Variants in SULT1B1 observed in about 807,000 individuals in gnomAD.
SULT1B1 encodes the protein sulfotransferase family 1B member 1.
A neutral mutation model predicts 34.6 loss-of-function variants in SULT1B1; 28 were observed. That is an observed-to-expected ratio of 0.81 (90% CI 0.60 to 1.11). The LOEUF (loss-of-function observed/expected upper bound fraction) is 1.11. SULT1B1 is among the 50% of genes least tolerant of loss of function. SULT1B1 has a pLI of 0.00. For synonymous variants in SULT1B1, 147 were observed against 110.2 expected (o/e 1.33, Z -2.09); for missense variants, 374 against 352.2 (o/e 1.06, Z -0.50).
At chr4:69,757,833 A>C (rs1043445780) in intron 1 of SULT1B1, among the ~76,000 whole-genome samples, 2 of 152,146 alleles carry the variant, frequency 1.3e-5, no homozygotes, top group Non-Finnish European at 2.9e-5. Context: ...TTGCATTTTC[A>C]TACTGTTTAT....
intron 1 of SULT1B1, among the ~76,000 whole-genome samples, chr4:69,755,506 T>C (rs1706707780): frequency 6.6e-6 from 1 of 152,174 alleles, no homozygotes; most frequent in Non-Finnish European, 1.5e-5. Flanking sequence ...TATCTCTCTT[T>C]GAATTAAAAA....
intron 4 of SULT1B1, among the ~76,000 whole-genome samples, chr4:69,747,809 C>A (rs1280516683): frequency 6.6e-6 from 1 of 152,174 alleles, no homozygotes; most frequent in East Asian, 1.9e-4. Context: ...CACTCCTTCT[C>A]TAGGAGCTGT....
intron 7 of SULT1B1, among the ~76,000 whole-genome samples, chr4:69,729,913 A>G (rs1718000856): frequency 6.6e-6 from 1 of 152,158 alleles, no homozygotes; most frequent in Non-Finnish European, 1.5e-5. Context: ...CACAATAAAC[A>G]GACTACTTAA....
intron 6 of SULT1B1, among the ~76,000 whole-genome samples, 154 bp downstream of exon 6, chr4:69,733,259 A>G (rs888222624): frequency 2.0e-5 from 3 of 152,184 alleles, no homozygotes; most frequent in Non-Finnish European, 4.4e-5. Flanking sequence ...TTAGAAACTC[A>G]TTAATTATAG....
chr4:69,726,995 A>G lies in SULT1B1; in HGVS notation c.*93T>C. On this transcript the variant is annotated 3_prime_UTR_variant, in exon 8 of 8. Coordinates refer to ENST00000310613, the MANE Select transcript of SULT1B1 (RefSeq NM_014465.4). ...AAAAGCATATTATTCTCCTTTATAA[A>G]TTCATTTGATTGCCCAAATCAATTC... is the stretch of plus-strand genomic sequence containing the variant. The G allele has an allele frequency of 6.2e-6, 5 of 811,060 alleles. No homozygotes were observed. The highest frequency in any genetic ancestry group is 9.3e-6 in the Non-Finnish European group (5 of 534,984). The allele number at this position is 811,060 out of a possible 1,614,324, so 50.2% of individuals were successfully genotyped here.
At chr4:69,736,562 T>C (rs1213727250) in intron 4 of SULT1B1, among the ~76,000 whole-genome samples, 1 of 151,758 alleles carries the variant, frequency 6.6e-6, no homozygotes, top group Non-Finnish European at 1.5e-5. Context: ...CACACAAATA[T>C]ATATATACAT....
chr4:69,729,869 A>C (rs1280783656), intron 7 of SULT1B1, among the ~76,000 whole-genome samples: 1 of 152,152 alleles, frequency 6.6e-6, no homozygotes, highest in African/African-American at 2.4e-5. Flanking sequence ...TGTTATTATT[A>C]ACACATTTTT....
At chr4:69,742,338 T>G (rs1444382825) in intron 4 of SULT1B1, among the ~76,000 whole-genome samples, 1 of 152,208 alleles carries the variant, frequency 6.6e-6, no homozygotes, top group Non-Finnish European at 1.5e-5. Flanking sequence ...TTCTTTTTTG[T>G]TGTGCCTCTT....
At chr4:69,758,249 G>T (rs967070516) in intron 1 of SULT1B1, 9 of 943,180 alleles carry the variant, frequency 9.5e-6, no homozygotes, top group Admixed American at 1.2e-4. Flanking sequence ...GATGAAGTTG[G>T]TATTGAATAA....
chr4:69,740,008 G>C (rs1028572100), intron 4 of SULT1B1, among the ~76,000 whole-genome samples: 1 of 152,120 alleles, frequency 6.6e-6, no homozygotes, highest in African/African-American at 2.4e-5. Flanking sequence ...TAATTTTCTA[G>C]GAAGTTCCAA....
Position 69,734,133 on chromosome 4 carries a change from C to T in SULT1B1, c.502+5G>A. On this transcript the variant is annotated splice_donor_5th_base_variant and intron_variant, in intron 5 of 7. Coordinates refer to ENST00000310613, the MANE Select transcript of SULT1B1 (RefSeq NM_014465.4). ...CTTATCAATTTTAAGATAAAGTCCA[C>T]ATACCTTTTCCAGTTAAGAATTTCT... 1.9e-6 allele frequency: 3 copies of T among 1,603,430 alleles called. No individual in the cohort carries two copies. The highest frequency in any genetic ancestry group is 1.7e-4 in the Middle Eastern group (1 of 6,018).
intron 6 of SULT1B1, among the ~76,000 whole-genome samples, chr4:69,731,182 T>C (rs1031526994): frequency 2.0e-5 from 3 of 152,154 alleles, no homozygotes; most frequent in Admixed American, 1.3e-4. Flanking sequence ...CACAGGAAGA[T>C]GTGAGTGGTG....
chr4:69,727,316 G>T, intron 7 of SULT1B1, 116 bp from the exon 8 acceptor site: 5 of 613,018 alleles, frequency 8.2e-6, no homozygotes, highest in South Asian at 7.2e-5. Flanking sequence ...TTATTTGAAT[G>T]AATTCAAACA....
intron 4 of SULT1B1, among the ~76,000 whole-genome samples, chr4:69,748,241 TACAAG>T (rs1718832511): frequency 6.6e-6 from 1 of 152,048 alleles, no homozygotes; most frequent in African/African-American, 2.4e-5. Flanking sequence ...GCTATATCAA[TACAAG>T]ACAAGATAGA....
chr4:69,734,480 A>G (rs1718221251), intron 4 of SULT1B1, among the ~76,000 whole-genome samples: 1 of 152,134 alleles, frequency 6.6e-6, no homozygotes, highest in African/African-American at 2.4e-5. Context: ...CGAGCTATAG[A>G]CGTTTTGAAA....
chr4:69,739,809 C>A (rs1387985857), intron 4 of SULT1B1, among the ~76,000 whole-genome samples: 1 of 152,138 alleles, frequency 6.6e-6, no homozygotes, highest in Non-Finnish European at 1.5e-5. Context: ...GAATGCTTTG[C>A]CACTTAGAAA....
intron 4 of SULT1B1, among the ~76,000 whole-genome samples, chr4:69,735,201 A>G (rs1718254460): frequency 6.6e-6 from 1 of 152,180 alleles, no homozygotes; most frequent in Non-Finnish European, 1.5e-5. Context: ...CTGGACAAAG[A>G]GCTGAGTAAT....
At chr4:69,744,609 C>A (rs765486096) in intron 4 of SULT1B1, among the ~76,000 whole-genome samples, 2 of 152,130 alleles carry the variant, frequency 1.3e-5, no homozygotes, top group African/African-American at 2.4e-5. Context: ...TTATTTGGAT[C>A]TTCTCTCTTT....
intron 4 of SULT1B1, among the ~76,000 whole-genome samples, chr4:69,735,029 A>G (rs1479743503): frequency 2.6e-5 from 4 of 152,090 alleles, no homozygotes; most frequent in African/African-American, 9.7e-5. Flanking sequence ...CATGTTAGCC[A>G]GGATGGTCTC....
Sources: gnomAD v4.1 joint callset for allele counts (sites outside exome capture counted in the v4.1 genomes callset) on GRCh38, gnomAD v4.1.1 for gene constraint, MANE v1.5 for transcripts, NCBI Gene and HGNC (gene_info 2026-07-23, HGNC 2026-07-21) for gene names.